Variants in MTUS2 observed in about 807,000 individuals in gnomAD.
MTUS2 encodes microtubule-associated tumor suppressor candidate 2.
In MTUS2, 40 loss-of-function variants were observed where a neutral mutation model predicts 114.1. The ratio of observed to expected loss-of-function variants is 0.35; its 90% CI spans 0.27 to 0.46. The LOEUF (loss-of-function observed/expected upper bound fraction) is 0.46, where lower values mean the gene tolerates loss of function less well. Ranked by LOEUF, MTUS2 falls within the 20% of genes least tolerant of loss-of-function variation. The probability of loss-of-function intolerance (pLI) is 1.00; values close to 1 mark genes in which losing one functional copy is unlikely to be tolerated. For synonymous variants in MTUS2, 688 were observed against 672.0 expected (o/e 1.02, Z -0.37); for missense variants, 1,679 against 1,705.4 (o/e 0.98, Z 0.27).
intron 9 of MTUS2, among the ~76,000 whole-genome samples, chr13:29,473,260 T>C (rs1880448815): frequency 1.3e-5 from 2 of 152,186 alleles, no homozygotes; most frequent in Admixed American, 1.3e-4. Context: ...TATTTAAGAT[T>C]TTATTACGAG....
At chr13:29,486,919 A>C (rs1025368500) in intron 10 of MTUS2, among the ~76,000 whole-genome samples, 17 of 152,206 alleles carry the variant, frequency 1.1e-4, no homozygotes, top group African/African-American at 4.1e-4. Context: ...TACTCCTGCA[A>C]GTCATACATT....
At chr13:28,942,088 A>T (rs763297921) in intron 2 of MTUS2, among the ~76,000 whole-genome samples, 11 of 152,222 alleles carry the variant, frequency 7.2e-5, no homozygotes, top group Non-Finnish European at 1.2e-4. Flanking sequence ...TATTTGTAAT[A>T]CATGAAAGTA....
intron 2 of MTUS2, among the ~76,000 whole-genome samples, chr13:28,976,531 A>G (rs1033128956): frequency 1.3e-5 from 2 of 152,176 alleles, no homozygotes; most frequent in Admixed American, 6.5e-5. Flanking sequence ...ATGGAGGGGA[A>G]GGTAAGAATC....
chr13:29,220,732 T>C (rs1282054762), intron 5 of MTUS2, among the ~76,000 whole-genome samples: 1 of 152,076 alleles, frequency 6.6e-6, no homozygotes, highest in Non-Finnish European at 1.5e-5. Context: ...ATAATAACAA[T>C]GAAAAAGTTT....
intron 5 of MTUS2, among the ~76,000 whole-genome samples, chr13:29,247,544 T>A (rs1375679297): frequency 6.6e-6 from 1 of 151,994 alleles, no homozygotes; most frequent in Non-Finnish European, 1.5e-5. Context: ...TACAAGGGAC[T>A]CAAACAAATC....
chr13:28,854,847 C>A lies in MTUS2; in HGVS notation c.-243+14997C>A, dbSNP rs116798244. On this transcript the variant is annotated intron_variant, in intron 2 of 15. Transcript: ENST00000612955. ...CCCTCCCACTCTCTGACTTCCGTGG[C>A]GTGTCCAGTAGCAGCTTAGTATCCT... Among the ~76,000 whole-genome samples, 1,296 of 152,290 alleles carry A rather than the reference C, an allele frequency of 8.5e-3. 19 individuals are homozygous for A. Among genetic ancestry groups the A allele is most frequent in the African/African-American group, 0.03 (1,237 of 41,556 alleles).
intron 5 of MTUS2, among the ~76,000 whole-genome samples, chr13:29,224,290 GC>G (rs1303999298): frequency 6.6e-6 from 1 of 152,120 alleles, no homozygotes; most frequent in Admixed American, 6.6e-5. Context: ...CTTCAAAAAG[GC>G]CCTTCATGTC....
At chr13:29,055,720 T>A (rs1888103296) in intron 4 of MTUS2, among the ~76,000 whole-genome samples, 1 of 152,120 alleles carries the variant, frequency 6.6e-6, no homozygotes. Context: ...CAGCATCTCT[T>A]ACTTTTTGAC....
chr13:28,897,778 C>T (rs534290333), intron 2 of MTUS2, among the ~76,000 whole-genome samples: 3 of 152,146 alleles, frequency 2.0e-5, no homozygotes, highest in East Asian at 1.9e-4. Context: ...TGGAAACCAT[C>T]GTTCTCAGCA....
At chr13:29,023,591 T>C (rs1886383614) in intron 2 of MTUS2, among the ~76,000 whole-genome samples, 1 of 152,222 alleles carries the variant, frequency 6.6e-6, no homozygotes, top group Non-Finnish European at 1.5e-5. Context: ...GGCATAATTA[T>C]AGCACGATTA....
chr13:29,338,233 A>G (rs9508368), intron 7 of MTUS2, among the ~76,000 whole-genome samples: 29,713 of 152,048 alleles, frequency 0.2, 3,011 homozygotes, highest in Non-Finnish European at 0.23. Context: ...TATGTTCTTA[A>G]TTTTAACTAA....
chr13:29,344,627 T>C (rs1352084193), intron 7 of MTUS2, among the ~76,000 whole-genome samples: 2 of 152,162 alleles, frequency 1.3e-5, no homozygotes, highest in African/African-American at 4.8e-5. Context: ...ATCATTTAAG[T>C]GGAACATTTA....
intron 6 of MTUS2, among the ~76,000 whole-genome samples, chr13:29,284,584 C>A (rs539659442): frequency 3.9e-5 from 6 of 152,162 alleles, no homozygotes; most frequent in Admixed American, 3.9e-4. Context: ...TGAAATTAAA[C>A]AAATGGAAGT....
Position 29,143,615 on chromosome 13 carries a change from G to T in MTUS2, c.2644+42645G>T, listed in dbSNP as rs1892314713. 1.3e-5 allele frequency among the ~76,000 whole-genome samples: 2 copies of T among 152,182 alleles called. 1 individual carries two copies. The highest frequency in any genetic ancestry group is 4.1e-4 in the South Asian group (2 of 4,824). On this transcript the variant is annotated intron_variant, in intron 5 of 15. Transcript: ENST00000612955. The stretch of plus-strand genomic sequence containing the variant: ...TAATTGGTTCAGAGAAAGGATATTT[G>T]TGCAGATTTCCTCATAGAATGGAGT...
At chr13:28,975,693 T>G (rs1189275761) in intron 2 of MTUS2, among the ~76,000 whole-genome samples, 1 of 152,254 alleles carries the variant, frequency 6.6e-6, no homozygotes, top group Admixed American at 6.5e-5. Context: ...ATTTAATCTT[T>G]GCCAGAAACC....
intron 4 of MTUS2, among the ~76,000 whole-genome samples, chr13:29,051,854 T>C (rs376705633): frequency 8.4e-4 from 128 of 152,294 alleles, no homozygotes; most frequent in African/African-American, 2.9e-3. Context: ...CTCAGGCTTA[T>C]GAAATATAAG....
At chr13:29,083,196 A>G (rs1476888418) in intron 4 of MTUS2, among the ~76,000 whole-genome samples, 8 of 152,210 alleles carry the variant, frequency 5.3e-5, no homozygotes, top group Admixed American at 6.5e-5. Flanking sequence ...AAGACGTTGT[A>G]CTATGCACAA....
chr13:29,158,358 C>CCCCCCCCCTCTTT, intron 5 of MTUS2, among the ~76,000 whole-genome samples: 24 of 32,058 alleles, frequency 7.5e-4, no homozygotes, highest in Non-Finnish European at 8.6e-4. Flanking sequence ...GTCCACCCCG[C>CCCCCCCCCTCTTT]TTTTTTTTTT....
intron 9 of MTUS2, among the ~76,000 whole-genome samples, chr13:29,459,198 A>G (rs1363783123): frequency 3.3e-5 from 5 of 152,194 alleles, no homozygotes; most frequent in Admixed American, 1.3e-4. Flanking sequence ...CTTGCAGACA[A>G]TTATTCACAA....
Sources: gnomAD v4.1 joint callset for allele counts (sites outside exome capture counted in the v4.1 genomes callset) on GRCh38, gnomAD v4.1.1 for gene constraint, MANE v1.5 for transcripts, NCBI Gene and HGNC (gene_info 2026-07-23, HGNC 2026-07-21) for gene names.